The following AIDA variants were observed in gnomAD, a reference collection of about 807,000 sequenced individuals.
AIDA encodes the protein axin interactor, dorsalization-associated protein.
AIDA carries 18 observed loss-of-function variants against 42.7 expected under a neutral mutation model. The observed-to-expected ratio is 0.42, with a 90% CI of 0.29 to 0.63. AIDA has a LOEUF of 0.63. Among genes scored for constraint, AIDA ranks in the 20% least tolerant of loss-of-function variants. The pLI is 0.19. For synonymous variants in AIDA, 104 were observed against 122.9 expected (o/e 0.85, Z 1.02); for missense variants, 250 against 354.1 (o/e 0.71, Z 2.36).
At chr1:222,699,629 C>T (rs1324064691) in intron 2 of AIDA, among the ~76,000 whole-genome samples, 2 of 152,122 alleles carry the variant, frequency 1.3e-5, no homozygotes, top group Non-Finnish European at 2.9e-5. Flanking sequence ...CAGAATACAC[C>T]TGGAAGATCT....
chr1:222,683,148 G>A (rs1238515244), intron 6 of AIDA, among the ~76,000 whole-genome samples: 1 of 152,126 alleles, frequency 6.6e-6, no homozygotes. Context: ...CATTATCATT[G>A]AAATAATATC....
intron 2 of AIDA, among the ~76,000 whole-genome samples, chr1:222,697,815 T>C (rs1329731854): frequency 6.6e-6 from 1 of 151,350 alleles, no homozygotes; most frequent in Non-Finnish European, 1.5e-5. Context: ...CAGCCAGTAA[T>C]CTACTGTCCA....
chr1:222,694,330 T>A, intron 2 of AIDA, 67 bp from the exon 3 acceptor site: 1 of 1,253,612 alleles, frequency 8.0e-7, no homozygotes. Flanking sequence ...ATCATCAAGT[T>A]AATTTTTATT....
chr1:222,670,654 A>G (rs1465479664), intron 8 of AIDA, among the ~76,000 whole-genome samples: 2 of 152,212 alleles, frequency 1.3e-5, no homozygotes, highest in South Asian at 4.1e-4. Context: ...AAAAAATTTA[A>G]GCTCGAATTG....
chr1:222,692,126 T>C (rs906352396), intron 4 of AIDA, among the ~76,000 whole-genome samples: 3 of 152,188 alleles, frequency 2.0e-5, no homozygotes, highest in African/African-American at 7.2e-5. Flanking sequence ...AAAACAGGAT[T>C]TACCTTAAAC....
intron 1 of AIDA, among the ~76,000 whole-genome samples, chr1:222,709,421 ACT>A (rs1407027463): frequency 3.3e-5 from 5 of 152,108 alleles, no homozygotes; most frequent in Admixed American, 2.0e-4. Context: ...ACAGAGCAAG[ACT>A]CTGTCTCAGA....
chr1:222,711,493 T>G (rs1656035035), intron 1 of AIDA: 1 of 152,188 alleles, frequency 6.6e-6, no homozygotes, highest in African/African-American at 2.4e-5. Flanking sequence ...GTTCACATCC[T>G]GCGCGGACTC....
chr1:222,697,266 C>A (rs1337902505), intron 2 of AIDA, among the ~76,000 whole-genome samples: 1 of 150,882 alleles, frequency 6.6e-6, no homozygotes, highest in Non-Finnish European at 1.5e-5. Context: ...ATACAGAAAT[C>A]GACTGAACTA....
chr1:222,687,665 TAAG>T lies in AIDA; in HGVS notation c.290-10_290-8del. The T allele has an allele frequency of 6.8e-7, 1 of 1,462,694 alleles. No homozygotes were observed. The highest frequency in any genetic ancestry group is 9.2e-7 in the Non-Finnish European group (1 of 1,081,532). 90.6% of individuals were successfully genotyped at this position (1,462,694 alleles called of 1,614,324 possible). On this transcript the variant is annotated splice_region_variant and splice_polypyrimidine_tract_variant and intron_variant, in intron 4 of 9. Coordinates refer to ENST00000340020, the MANE Select transcript of AIDA (RefSeq NM_022831.4). ...GTAAGAATATTCTTTAGGACTAGAATAAGAAGATAAAGAAACATGAATTCTTCC... is the reference window on the plus strand; with the variant it reads ...GTAAGAATATTCTTTAGGACTAGAATAAGATAAAGAAACATGAATTCTTCC...
chr1:222,709,322 T>C (rs1018440154), intron 1 of AIDA, among the ~76,000 whole-genome samples: 2 of 151,842 alleles, frequency 1.3e-5, no homozygotes, highest in African/African-American at 4.8e-5. Context: ...TCTCAGCTAC[T>C]CAGGAGGCTG....
At chr1:222,677,376 G>GT (rs1420987239) in intron 6 of AIDA, among the ~76,000 whole-genome samples, 3 of 152,014 alleles carry the variant, frequency 2.0e-5, no homozygotes, top group Non-Finnish European at 2.9e-5. Flanking sequence ...AAAGGGACAG[G>GT]TTTCCCCCCC....
At position 222,712,023 on chromosome 1, in the gene AIDA, G is replaced by A. The variant is rs151043929; in HGVS notation, c.110+185C>T. ...GGAAGAAGGCGAGTCACCCCAGAGA[G>A]CGGAGCCGTTGTCCCTAGAGCAGCC... On this transcript the variant is annotated intron_variant, in intron 1 of 9. Coordinates refer to ENST00000340020, the MANE Select transcript of AIDA (RefSeq NM_022831.4). 2.7e-4 allele frequency: 216 copies of A among 787,390 alleles called. No homozygotes were observed. The African/African-American group carries it at 2.9e-3, about 11-fold the overall frequency. 48.8% of individuals were successfully genotyped at this position (787,390 alleles called of 1,614,324 possible).
chr1:222,698,448 A>ATTTT (rs36041357), intron 2 of AIDA, among the ~76,000 whole-genome samples: 5 of 127,374 alleles, frequency 3.9e-5, no homozygotes, highest in Non-Finnish European at 6.7e-5. Context: ...TTATTCATCA[A>ATTTT]TTTTTTTTTT....
chr1:222,684,582 A>G (rs1428441004), intron 6 of AIDA, among the ~76,000 whole-genome samples: 1 of 152,250 alleles, frequency 6.6e-6, no homozygotes, highest in Non-Finnish European at 1.5e-5. Flanking sequence ...TTAATAACAC[A>G]GGCCCTGAAC....
At chr1:222,699,500 C>T (rs1162543600) in intron 2 of AIDA, among the ~76,000 whole-genome samples, 1 of 152,174 alleles carries the variant, frequency 6.6e-6, no homozygotes, top group African/African-American at 2.4e-5. Context: ...TTTTAAAATA[C>T]TACATGCCCA....
chr1:222,692,980 A>C (rs1442608957), intron 4 of AIDA, among the ~76,000 whole-genome samples: 1 of 152,226 alleles, frequency 6.6e-6, no homozygotes, highest in Non-Finnish European at 1.5e-5. Flanking sequence ...AGTTATAGTC[A>C]TTAATTTTCC....
rs542686150 is a variant in AIDA at position 222,705,922 on chromosome 1, A to G, written c.111-2705T>C. Among the ~76,000 whole-genome samples, 11 of 152,298 alleles carry G rather than the reference A, an allele frequency of 7.2e-5. No homozygotes were observed. In the South Asian group the frequency reaches 2.1e-3, roughly 29 times the overall value. On this transcript the variant is annotated intron_variant, in intron 1 of 9. Coordinates refer to ENST00000340020, the MANE Select transcript of AIDA (RefSeq NM_022831.4). ...AAAAGAATCAGAGGAAATATTTGCA[A>G]ATCATATATCTGATAAAAGACTGTA...
chr1:222,710,558 G>A (rs977374265), intron 1 of AIDA, among the ~76,000 whole-genome samples: 2 of 152,184 alleles, frequency 1.3e-5, no homozygotes, highest in African/African-American at 4.8e-5. Context: ...TGCAATATTA[G>A]TTAATATACA....
intron 1 of AIDA, among the ~76,000 whole-genome samples, chr1:222,709,936 T>C (rs1655948556): frequency 6.6e-6 from 1 of 152,140 alleles, no homozygotes; most frequent in African/African-American, 2.4e-5. Context: ...GCACTATCTC[T>C]CCCCCTACAT....
Sources: allele counts gnomAD v4.1 joint callset (sites outside exome capture counted in the v4.1 genomes callset), GRCh38; gene constraint gnomAD v4.1.1; transcripts MANE v1.5; gene names NCBI Gene and HGNC (gene_info 2026-07-23, HGNC 2026-07-21).